SIK3: variants seen among roughly 807,000 people sequenced by gnomAD.
SIK3 encodes the protein SIK family kinase 3.
Under a neutral mutation model 144.2 loss-of-function variants are expected in SIK3, and 28 were observed. The ratio of observed to expected loss-of-function variants is 0.19; its 90% confidence interval spans 0.14 to 0.27. The LOEUF (loss-of-function observed/expected upper bound fraction) is 0.27. SIK3 is among the 10% of genes least tolerant of loss of function. The pLI is 1.00. For synonymous variants in SIK3, 686 were observed against 676.3 expected (o/e 1.01, Z -0.22); for missense variants, 1,319 against 1,776.0 (o/e 0.74, Z 4.62).
At chr11:116,997,331 A>G (rs1415564269) in intron 1 of SIK3, among the ~76,000 whole-genome samples, 1 of 152,218 alleles carries the variant, frequency 6.6e-6, no homozygotes, top group Non-Finnish European at 1.5e-5. Context: ...CAAGCCAATC[A>G]GATGCAGGCA....
At chr11:117,001,571 C>T (rs1950851914) in intron 1 of SIK3, among the ~76,000 whole-genome samples, 1 of 152,096 alleles carries the variant, frequency 6.6e-6, no homozygotes, top group African/African-American at 2.4e-5. Flanking sequence ...ATAGTCCCAG[C>T]TACTTGGGAG....
intron 1 of SIK3, among the ~76,000 whole-genome samples, chr11:117,089,644 G>T (rs184795063): frequency 6.7e-4 from 102 of 152,238 alleles, no homozygotes; most frequent in African/African-American, 2.4e-3. Flanking sequence ...ATTCAATTCT[G>T]GGGGGAGCTA....
Position 116,873,969 on chromosome 11 carries a change from A to C in SIK3, c.1515T>G (p.Asn505Lys). The change falls in exon 12 of 25, where the codon AAT becomes AAG. Residue 505 changes from asparagine to lysine, a missense_variant. Physicochemically the swap from Asn to Lys is moderately conservative, Grantham distance 94 (BLOSUM62 0). Transcript: ENST00000445177. The stretch of plus-strand genomic sequence containing the variant: ...GCAACAGGTTGTGCATGAAGTTCAC[A>C]TTAGGGGCCACCTGCAGGAATGGAG... Reference protein sequence around the residue: ...PQAPFLQVAPNVNFMHNLLPM... With the variant: ...PQAPFLQVAPKVNFMHNLLPM... 6.2e-7 allele frequency: 1 copy of C among 1,614,090 alleles called. No individual in the cohort carries two copies. Among genetic ancestry groups the C allele is most frequent in the Non-Finnish European group, 8.5e-7 (1 of 1,179,992 alleles).
chr11:116,911,807 A>G (rs184630157), intron 4 of SIK3, among the ~76,000 whole-genome samples: 2 of 152,350 alleles, frequency 1.3e-5, no homozygotes, highest in Admixed American at 6.5e-5. Context: ...AGTTTTATGT[A>G]ATTCTCAGGT....
intron 1 of SIK3, among the ~76,000 whole-genome samples, chr11:117,087,974 A>G (rs544134132): frequency 5.3e-5 from 8 of 152,350 alleles, no homozygotes; most frequent in African/African-American, 1.9e-4. Context: ...TCACACCCGT[A>G]ATCCCAACAC....
intron 6 of SIK3, chr11:116,894,053 G>A (rs1038458961): frequency 2.4e-5 from 4 of 167,124 alleles, no homozygotes; most frequent in African/African-American, 9.7e-5. Context: ...TCAGTTCTCA[G>A]TCCTCTTACC....
rs759160282 is a variant in SIK3 at position 116,847,516 on chromosome 11, C to T, written c.3912G>A (p.Ser1304=). 3.7e-5 allele frequency: 60 copies of T among 1,614,160 alleles called. 1 individual carries two copies. The South Asian group carries it at 6.0e-4, about 16-fold the overall frequency. ...RMSDAVLSQS[S]LMGSQQFQDG... ...CCTGAAACTGCTGGCTGCCCATGAG[C>T]GAAGACTGACTGAGAACTGCATCCG... Residue 1304 remains serine (S), a synonymous_variant, in exon 23 of 25, where the codon TCG becomes TCA. Transcript: ENST00000445177.
chr11:117,097,025 G>A (rs375894089), intron 1 of SIK3, among the ~76,000 whole-genome samples: 4 of 152,214 alleles, frequency 2.6e-5, no homozygotes, highest in Non-Finnish European at 2.9e-5. Context: ...GTAAGATATT[G>A]AGCAAAGAAA....
chr11:117,027,245 A>T (rs1326935048), intron 1 of SIK3, among the ~76,000 whole-genome samples: 1 of 152,198 alleles, frequency 6.6e-6, no homozygotes, highest in Non-Finnish European at 1.5e-5. Context: ...ATCTCTGTAG[A>T]GAAAACATGG....
intron 4 of SIK3, among the ~76,000 whole-genome samples, chr11:116,907,490 T>G (rs1260958366): frequency 6.6e-6 from 1 of 151,998 alleles, no homozygotes; most frequent in Admixed American, 6.6e-5. Flanking sequence ...CTACTAAAAA[T>G]AAAAAATTAG....
chr11:116,984,895 G>A (rs1354154321), intron 1 of SIK3, among the ~76,000 whole-genome samples: 1 of 152,172 alleles, frequency 6.6e-6, no homozygotes, highest in Non-Finnish European at 1.5e-5. Context: ...TGTGTATAGA[G>A]TCCAGAAGCA....
rs75419894 is a variant in SIK3, at chr11:116,859,624, A to C, written c.2426-20T>G. The C allele has an allele frequency of 1.8e-3, 2,949 of 1,604,372 alleles. 53 individuals carry two copies. The African/African-American group carries it at 0.036, about 20-fold the overall frequency. ...CAGCCCCTGGAGAGAAAGGAACCTC[A>C]GAGTGACCAAGTGCCCAGGCCACCA... is the stretch of plus-strand genomic sequence containing the variant. On this transcript the variant is annotated intron_variant, in intron 19 of 24. Transcript: ENST00000445177.
intron 1 of SIK3, among the ~76,000 whole-genome samples, chr11:116,974,994 T>A (rs1028746415): frequency 6.6e-6 from 1 of 152,150 alleles, no homozygotes; most frequent in Non-Finnish European, 1.5e-5. Flanking sequence ...TGGCCCTAAT[T>A]CTTTTAAATT....
intron 1 of SIK3, among the ~76,000 whole-genome samples, chr11:117,053,574 C>T (rs753639445): frequency 2.6e-5 from 4 of 152,104 alleles, no homozygotes; most frequent in Non-Finnish European, 4.4e-5. Flanking sequence ...CAGTTATATA[C>T]AACTACCTTA....
At chr11:116,941,778 T>C (rs1474987063) in intron 3 of SIK3, among the ~76,000 whole-genome samples, 3 of 152,218 alleles carry the variant, frequency 2.0e-5, no homozygotes, top group Non-Finnish European at 2.9e-5. Context: ...TCAGGAAATT[T>C]TGCTTGATAA....
intron 1 of SIK3, among the ~76,000 whole-genome samples, chr11:116,978,389 A>T (rs1415427953): frequency 6.6e-6 from 1 of 152,146 alleles, no homozygotes; most frequent in South Asian, 2.1e-4. Context: ...CACTCCAAGA[A>T]AACCACCATC....
At chr11:116,862,389 A>T (rs1211129854) in intron 16 of SIK3, 62 bp from the exon 17 acceptor site, 1 of 1,607,334 alleles carries the variant, frequency 6.2e-7, no homozygotes, top group Non-Finnish European at 8.5e-7. Flanking sequence ...CAGTGATTTC[A>T]GCAGATGCAG....
rs551097462 is a variant in SIK3 at position 117,013,489 on chromosome 11, A to G, written c.274-56425T>C. 3.9e-5 allele frequency among the ~76,000 whole-genome samples: 6 copies of G among 152,268 alleles called. No individual in the cohort carries two copies. In the South Asian group the frequency reaches 1.2e-3, roughly 32 times the overall value. On this transcript the variant is annotated intron_variant, in intron 1 of 24. Coordinates refer to ENST00000445177, the MANE Select transcript of SIK3 (RefSeq NM_001366686.3). ...GTGAAACTCCATTTCAAAAAAACAT[A>G]AAAAAACTTTGTATACCAAACTGGG...
At chr11:116,944,142 G>A (rs1948454306) in intron 3 of SIK3, among the ~76,000 whole-genome samples, 1 of 152,060 alleles carries the variant, frequency 6.6e-6, no homozygotes, top group Admixed American at 6.6e-5. Context: ...CAAAATAAGA[G>A]TTGCGTTTAA....
Sources: allele counts gnomAD v4.1 joint callset (sites outside exome capture counted in the v4.1 genomes callset), GRCh38; gene constraint gnomAD v4.1.1; transcripts MANE v1.5; gene names NCBI Gene and HGNC (gene_info 2026-07-23, HGNC 2026-07-21).